Variants in ZNF777 observed in about 807,000 individuals in gnomAD.
The protein encoded by ZNF777 is zinc finger protein 777.
In ZNF777, 7 loss-of-function variants were observed where a neutral mutation model predicts 72.1. The observed-to-expected ratio is 0.10, with a 90% confidence interval of 0.06 to 0.18. The LOEUF is 0.18. Ranked by LOEUF, ZNF777 falls within the 10% of genes least tolerant of loss-of-function variation. ZNF777 has a pLI of 1.00. For synonymous variants in ZNF777, 545 were observed against 483.5 expected (o/e 1.13, Z -1.67); for missense variants, 828 against 1,128.6 (o/e 0.73, Z 3.82).
intron 1 of ZNF777, chr7:149,459,806 G>C (rs1799910425): frequency 2.5e-5 from 25 of 984,788 alleles, no homozygotes; most frequent in Admixed American, 6.2e-5. Flanking sequence ...ACGTGCCGGC[G>C]GCTACCCCGA....
intron 4 of ZNF777, among the ~76,000 whole-genome samples, chr7:149,444,439 C>T (rs1484645997): frequency 1.3e-5 from 2 of 152,166 alleles, no homozygotes; most frequent in African/African-American, 4.8e-5. Context: ...GACTGGCTGC[C>T]TCTAGGTGCA....
rs539653517 is a variant in ZNF777 at position 149,438,186 on chromosome 7, T to C, written c.1088-1360A>G. Among the ~76,000 whole-genome samples, 5 of 151,984 alleles carry C rather than the reference T, an allele frequency of 3.3e-5. No individual in the cohort carries two copies. In the South Asian group the frequency reaches 6.2e-4, roughly 19 times the overall value. On this transcript the variant is annotated intron_variant, in intron 4 of 5. Transcript: ENST00000247930. Reference sequence around the variant, plus strand: ...GAATTTTTTGTATTTTTAGTAGCGATGGGGTTTCACTATGTTGGCCAGGCT... The same window carrying C: ...GAATTTTTTGTATTTTTAGTAGCGACGGGGTTTCACTATGTTGGCCAGGCT...
At position 149,431,763 on chromosome 7, in the gene ZNF777, G is replaced by GCGT; in HGVS notation, c.*12_*13insACG. The GCGT allele has an allele frequency of 6.7e-7, 1 of 1,488,966 alleles. No homozygotes were observed. Among genetic ancestry groups the GCGT allele is most frequent in the African/African-American group, 1.5e-5 (1 of 68,646 alleles). 92.2% of individuals were successfully genotyped at this position (1,488,966 alleles called of 1,614,324 possible). A position where few individuals can be genotyped will look rare whatever the true frequency, so the allele number is the denominator to read the frequency against. ...CCGCGCACCTGGCCGGGCGGCGGCG[G>GCGT]CGGGGCGCGCGCTCACTCGCCCGTG... is the stretch of plus-strand genomic sequence containing the variant. On this transcript the variant is annotated 3_prime_UTR_variant, in exon 6 of 6. Coordinates refer to ENST00000247930, the MANE Select transcript of ZNF777 (RefSeq NM_015694.3).
At chr7:149,439,487 C>T (rs1250451457) in intron 4 of ZNF777, among the ~76,000 whole-genome samples, 1 of 152,140 alleles carries the variant, frequency 6.6e-6, no homozygotes, top group East Asian at 1.9e-4. Context: ...TTTAATGTCA[C>T]CAATGGAATC....
Position 149,453,659 on chromosome 7 carries a change from C to G in ZNF777, c.973+452G>C, listed in dbSNP as rs564603332. Among the ~76,000 whole-genome samples, 382 of 152,288 alleles carry G rather than the reference C, an allele frequency of 2.5e-3. 4 individuals carry two copies. Among genetic ancestry groups the G allele is most frequent in the African/African-American group, 9.0e-3 (376 of 41,554 alleles). On this transcript the variant is annotated intron_variant, in intron 3 of 5. Transcript: ENST00000247930. ...GAGTGTGAACACCTGTCTTAGCCTC[C>G]GCAACATCTTGGCTGTGCAGGTCCA...
chr7:149,459,674 C>A (rs1286491868), intron 1 of ZNF777: 1 of 985,110 alleles, frequency 1.0e-6, no homozygotes, highest in African/African-American at 1.7e-5. Flanking sequence ...GACCTTGGGG[C>A]CGGCAGGGCG....
intron 3 of ZNF777, among the ~76,000 whole-genome samples, chr7:149,452,064 G>A (rs1358550051): frequency 1.3e-5 from 2 of 151,962 alleles, no homozygotes; most frequent in African/African-American, 2.4e-5. Context: ...AGGAGATCGA[G>A]ACCATCCTGG....
At chr7:149,443,079 G>A (rs1003235687) in intron 4 of ZNF777, among the ~76,000 whole-genome samples, 2 of 152,136 alleles carry the variant, frequency 1.3e-5, no homozygotes, top group African/African-American at 4.8e-5. Context: ...CCAGACAAGT[G>A]CATGAAGATC....
At chr7:149,445,476 G>GCC (rs1799586690) in intron 4 of ZNF777, among the ~76,000 whole-genome samples, 1 of 152,114 alleles carries the variant, frequency 6.6e-6, no homozygotes, top group African/African-American at 2.4e-5. Flanking sequence ...ACTCTGTTTG[G>GCC]CCCATAGGGT....
intron 1 of ZNF777, among the ~76,000 whole-genome samples, chr7:149,457,051 G>A (rs1217641854): frequency 6.6e-6 from 1 of 152,162 alleles, no homozygotes; most frequent in Non-Finnish European, 1.5e-5. Context: ...GGCCTGGAAG[G>A]ATGGGGAAGT....
In ZNF777 at chr7:149,436,669, C is replaced by A. The variant is rs552139305; in HGVS notation, c.1245G>T (p.Met415Ile). The stretch of plus-strand genomic sequence containing the variant: ...CCTCCAGCGTGTTCTCTGGCTCCTG[C>A]ATGTCCAGGTCTGGCTGTTCCCCAC... ...DPCGEQPDLD[M>I]QEPENTLEES... Residue 415 changes from methionine (M) to isoleucine (I), a missense_variant, in exon 5 of 6, where the codon ATG becomes ATT. Met to Ile is a conservative substitution (Grantham distance 10). Transcript: ENST00000247930. The surrounding 1 kb of genome is among the most constrained non-coding windows in gnomAD (Gnocchi z 5.0). The A allele has an allele frequency of 6.2e-7, 1 of 1,614,136 alleles. No individual in the cohort carries two copies. Among genetic ancestry groups the A allele is most frequent in the African/African-American group, 1.3e-5 (1 of 75,050 alleles).
At chr7:149,446,865 G>C (rs1799612363) in intron 4 of ZNF777, among the ~76,000 whole-genome samples, 1 of 152,112 alleles carries the variant, frequency 6.6e-6, no homozygotes, top group Non-Finnish European at 1.5e-5. Flanking sequence ...GTCTTCCTAA[G>C]GTCACTGATG....
chr7:149,447,361 T>C (rs901580711), intron 4 of ZNF777, among the ~76,000 whole-genome samples: 2 of 152,206 alleles, frequency 1.3e-5, no homozygotes, highest in Non-Finnish European at 2.9e-5. Context: ...ATTCAGCTGC[T>C]TTCTCAACAC....
At chr7:149,446,307 C>T (rs1038433939) in intron 4 of ZNF777, among the ~76,000 whole-genome samples, 8 of 151,806 alleles carry the variant, frequency 5.3e-5, no homozygotes, top group African/African-American at 1.5e-4. Context: ...ATCCTGGAGG[C>T]GGAGGTTGCA....
chr7:149,442,447 G>A (rs1400926517), intron 4 of ZNF777, among the ~76,000 whole-genome samples: 11 of 150,860 alleles, frequency 7.3e-5, no homozygotes, highest in Non-Finnish European at 1.6e-4. Flanking sequence ...GTGAAACTCC[G>A]TCTCTACTAA....
At chr7:149,459,585 C>G in intron 1 of ZNF777, 1 of 967,772 alleles carries the variant, frequency 1.0e-6, no homozygotes, top group Non-Finnish European at 1.2e-6. Context: ...CAGAGCCACC[C>G]CCTCCCCGTC....
chr7:149,439,388 A>C lies in ZNF777; in HGVS notation c.1088-2562T>G, dbSNP rs533044016. Among the ~76,000 whole-genome samples the C allele has an allele frequency of 3.0e-4, 45 of 152,308 alleles. No individual in the cohort carries two copies. In the Middle Eastern group the frequency reaches 0.014, roughly 46 times the overall value. Reference sequence around the variant, plus strand: ...GTACTCCTTTGCACCTTTTTGAATAAACATATAAAATGCATCAGTAACTGC... The same window carrying C: ...GTACTCCTTTGCACCTTTTTGAATACACATATAAAATGCATCAGTAACTGC... On this transcript the variant is annotated intron_variant, in intron 4 of 5. Transcript: ENST00000247930.
chr7:149,446,866 G>A (rs1234923841), intron 4 of ZNF777, among the ~76,000 whole-genome samples: 1 of 152,108 alleles, frequency 6.6e-6, no homozygotes, highest in Non-Finnish European at 1.5e-5. Flanking sequence ...TCTTCCTAAG[G>A]TCACTGATGA....
intron 1 of ZNF777, among the ~76,000 whole-genome samples, chr7:149,457,854 C>A (rs1799862529): frequency 6.6e-6 from 1 of 152,206 alleles, no homozygotes; most frequent in African/African-American, 2.4e-5. Context: ...ACTAGAGTTA[C>A]TATCCATACT....
Sources: allele counts gnomAD v4.1 joint callset (sites outside exome capture counted in the v4.1 genomes callset), GRCh38; gene constraint gnomAD v4.1.1; non-coding constraint Gnocchi (gnomAD v3.1); transcripts MANE v1.5; gene names NCBI Gene and HGNC (gene_info 2026-07-23, HGNC 2026-07-21).